Variants in OR52A1 observed in about 807,000 individuals in gnomAD.
OR52A1 encodes olfactory receptor 52A1.
Under a neutral mutation model 14.3 loss-of-function variants are expected in OR52A1, and 14 were observed. That is an observed-to-expected ratio of 0.98 (90% CI 0.65 to 1.54). The LOEUF (loss-of-function observed/expected upper bound fraction) is 1.54, where lower values mean the gene tolerates loss of function less well. Among genes scored for constraint, OR52A1 ranks in the 40% most tolerant of loss-of-function variants. The pLI, the probability that OR52A1 is intolerant of heterozygous loss-of-function variation, is 0.00. For synonymous variants in OR52A1, 151 were observed against 135.3 expected, an observed-to-expected ratio of 1.12 and a Z score of -0.80; for missense variants, 405 against 381.3, an observed-to-expected ratio of 1.06 and a Z score of -0.52.
In OR52A1 at chr11:5,152,058, C is replaced by T; in HGVS notation, c.312G>A (p.Trp104Ter). 1 of 1,614,004 alleles carries T rather than the reference C, an allele frequency of 6.2e-7. No homozygotes were observed. Among genetic ancestry groups the T allele is most frequent in the Non-Finnish European group, 8.5e-7 (1 of 1,179,968 alleles). The change falls in exon 2 of 2, where the codon TGG becomes TGA. Residue 104 changes from tryptophan to a stop codon, truncating the protein, a stop_gained. Coordinates refer to ENST00000380367, the MANE Select transcript of OR52A1 (RefSeq NM_012375.3). LOFTEE classifies it high-confidence loss of function. ...CTATACCCTGCAATGTGTGGATGAACCACATTTGAAGCAAGCAGGAATCAA... is the reference window on the plus strand; with the variant it reads ...CTATACCCTGCAATGTGTGGATGAATCACATTTGAAGCAAGCAGGAATCAA... ...IYFDSCLLQM[W>*]FIHTLQGIES... is the part of the protein sequence containing the mutation.
chr11:5,149,374 C>G lies in OR52A1; in HGVS notation c.*2057G>C, dbSNP rs1846517885. 1 of 152,104 alleles carries G rather than the reference C, an allele frequency of 6.6e-6. No homozygotes were observed. Among genetic ancestry groups the G allele is most frequent in the Non-Finnish European group, 1.5e-5 (1 of 68,026 alleles). The allele number at this position is 152,104 out of a possible 1,614,324, so 9.4% of individuals were successfully genotyped here. ...GCTTAAAGTGGTCATTGTTAAACAT[C>G]CCAAACCTGGCCTACTTCCTGTTTT... On this transcript the variant is annotated 3_prime_UTR_variant, in exon 2 of 2. Transcript: ENST00000380367.
At position 5,154,626 on chromosome 11, in the gene OR52A1, A is replaced by G. The variant is rs1846589132; in HGVS notation, c.-501T>C. 6.6e-6 allele frequency: 1 copy of G among 152,140 alleles called. No homozygotes were observed. The highest frequency in any genetic ancestry group is 2.4e-5 in the African/African-American group (1 of 41,426). 9.4% of individuals were successfully genotyped at this position (152,140 alleles called of 1,614,324 possible). A position where few individuals can be genotyped will look rare whatever the true frequency, so the allele number is the denominator to read the frequency against. Reference sequence around the variant, plus strand: ...GTGGACATTTTGCAGATGACTTTTTACACTTTTCATTTATCTCTAACACGG... The same window carrying G: ...GTGGACATTTTGCAGATGACTTTTTGCACTTTTCATTTATCTCTAACACGG... On this transcript the variant is annotated 5_prime_UTR_variant, in exon 1 of 2. Coordinates refer to ENST00000380367, the MANE Select transcript of OR52A1 (RefSeq NM_012375.3).
In OR52A1 at chr11:5,149,866, C is replaced by A. The variant is rs553259447; in HGVS notation, c.*1565G>T. ...AAACTTGAAACAGTCTCAAAAGATCCCTTAAGATAGCCTCTATAATCATTC... is the reference window on the plus strand; with the variant it reads ...AAACTTGAAACAGTCTCAAAAGATCACTTAAGATAGCCTCTATAATCATTC... On this transcript the variant is annotated 3_prime_UTR_variant, in exon 2 of 2. Transcript: ENST00000380367. 1 of 152,054 alleles carries A rather than the reference C, an allele frequency of 6.6e-6. No individual in the cohort carries two copies. Among genetic ancestry groups the A allele is most frequent in the Non-Finnish European group, 1.5e-5 (1 of 68,014 alleles). The allele number at this position is 152,054 out of a possible 1,614,324, so 9.4% of individuals were successfully genotyped here. A position where few individuals can be genotyped will look rare whatever the true frequency, so the allele number is the denominator to read the frequency against.
chr11:5,148,580 T>A lies in OR52A1; in HGVS notation c.*2851A>T, dbSNP rs1846508857. The A allele has an allele frequency of 6.6e-6, 1 of 152,114 alleles. No homozygotes were observed. Among genetic ancestry groups the A allele is most frequent in the Non-Finnish European group, 1.5e-5 (1 of 68,032 alleles). 9.4% of individuals were successfully genotyped at this position (152,114 alleles called of 1,614,324 possible). On this transcript the variant is annotated 3_prime_UTR_variant, in exon 2 of 2. Coordinates refer to ENST00000380367, the MANE Select transcript of OR52A1 (RefSeq NM_012375.3). ...TTCTGCTCCTAATAGGTCAAAGGTC[T>A]CCAATGTTAAGACTTTTTACTTTTT... is the stretch of plus-strand genomic sequence containing the variant.
In OR52A1 at chr11:5,152,296, A is replaced by C; in HGVS notation, c.74T>G (p.Val25Gly). ...TLVGIPGLES[V>G]QCWIGIPFCA... ...GAATGGAATCCCAATCCAGCACTGC[A>C]CAGATTCTAGGCCTGGGATCCCTAC... The change falls in exon 2 of 2, where the codon GTG becomes GGG. Residue 25 changes from valine (V) to glycine (G), a missense_variant. Coordinates refer to ENST00000380367, the MANE Select transcript of OR52A1 (RefSeq NM_012375.3). 1 of 1,614,102 alleles carries C rather than the reference A, an allele frequency of 6.2e-7. No individual in the cohort carries two copies. The highest frequency in any genetic ancestry group is 8.5e-7 in the Non-Finnish European group (1 of 1,179,964).
rs1432614134 is a variant in OR52A1, at chr11:5,150,995, T to A, written c.*436A>T. 1 of 153,622 alleles carries A rather than the reference T, an allele frequency of 6.5e-6. No homozygotes were observed. The highest frequency in any genetic ancestry group is 1.4e-5 in the Non-Finnish European group (1 of 69,072). The allele number at this position is 153,622 out of a possible 1,614,324, so 9.5% of individuals were successfully genotyped here. On this transcript the variant is annotated 3_prime_UTR_variant, in exon 2 of 2. Coordinates refer to ENST00000380367, the MANE Select transcript of OR52A1 (RefSeq NM_012375.3). ...AGATTTTCTTTGACAAGAACACAGT[T>A]AACATGTACTTCCTTTGATTTTTTT...
At chr11:5,153,143 A>G (rs1317132527) in intron 1 of OR52A1, among the ~76,000 whole-genome samples, 1 of 152,218 alleles carries the variant, frequency 6.6e-6, no homozygotes, top group Non-Finnish European at 1.5e-5. Flanking sequence ...TCTAGAGAGA[A>G]GGAACTGCTA....
Position 5,147,096 on chromosome 11 carries a change from A to T in OR52A1, c.*4335T>A, listed in dbSNP as rs1284745241. ...TCTAGATTAAATTTAAGGAGAATTG[A>T]TATCTTTACAACACTGAGATCAGCA... is the stretch of plus-strand genomic sequence containing the variant. On this transcript the variant is annotated 3_prime_UTR_variant, in exon 2 of 2. Transcript: ENST00000380367. 3 of 152,200 alleles carry T rather than the reference A, an allele frequency of 2.0e-5. No homozygotes were observed. The highest frequency in any genetic ancestry group is 7.2e-5 in the African/African-American group (3 of 41,450). The allele number at this position is 152,200 out of a possible 1,614,324, so 9.4% of individuals were successfully genotyped here. A position where few individuals can be genotyped will look rare whatever the true frequency, so the allele number is the denominator to read the frequency against.
Sources: gnomAD v4.1 joint callset for allele counts (sites outside exome capture counted in the v4.1 genomes callset) on GRCh38, gnomAD v4.1.1 for gene constraint, MANE v1.5 for transcripts, NCBI Gene and HGNC (gene_info 2026-07-23, HGNC 2026-07-21) for gene names.